Variants in ARHGEF10L observed in about 807,000 individuals in gnomAD.
ARHGEF10L encodes the protein Rho guanine nucleotide exchange factor 10 like, also known as rho guanine nucleotide exchange factor 10-like protein.
Under a neutral mutation model 141.2 loss-of-function variants are expected in ARHGEF10L, and 69 were observed. The observed-to-expected ratio is 0.49, with a 90% CI of 0.40 to 0.60. The LOEUF is 0.60. Among genes scored for constraint, ARHGEF10L ranks in the 20% least tolerant of loss-of-function variants. The pLI is 0.00. For synonymous variants in ARHGEF10L, 711 were observed against 718.5 expected (o/e 0.99, Z 0.17); for missense variants, 1,482 against 1,734.3 (o/e 0.85, Z 2.58).
At chr1:17,591,408 A>AT (rs35249582) in intron 4 of ARHGEF10L, among the ~76,000 whole-genome samples, 1,838 of 121,176 alleles carry the variant, frequency 0.015, 58 homozygotes, top group African/African-American at 0.053. Context: ...ATGCCTGGCT[A>AT]TTTTTTTTTT....
rs551381944 is a variant in ARHGEF10L, at chr1:17,683,393, A to C, written c.3010-4180A>C. ...GGGGTGCTCACTGCCCCCTGCTCTCACCGGGGTGCTCACTGCCTCCTGCTC... is the reference window on the plus strand; with the variant it reads ...GGGGTGCTCACTGCCCCCTGCTCTCCCCGGGGTGCTCACTGCCTCCTGCTC... On this transcript the variant is annotated intron_variant, in intron 26 of 28. Transcript: ENST00000361221. 4.4e-5 allele frequency among the ~76,000 whole-genome samples: 6 copies of C among 137,920 alleles called. No individual in the cohort carries two copies. The South Asian group carries it at 1.4e-3, about 33-fold the overall frequency. 90.5% of individuals were successfully genotyped at this position (137,920 alleles called of 152,430 possible). A position where few individuals can be genotyped will look rare whatever the true frequency, so the allele number is the denominator to read the frequency against.
intron 21 of ARHGEF10L, among the ~76,000 whole-genome samples, chr1:17,642,105 CAG>C (rs768648355): frequency 6.6e-6 from 1 of 151,908 alleles, no homozygotes; most frequent in Non-Finnish European, 1.5e-5. Flanking sequence ...ATGACAAAAA[CAG>C]AGAGATCTCT....
chr1:17,627,219 G>T lies in ARHGEF10L; in HGVS notation c.1411-111G>T. On this transcript the variant is annotated intron_variant, in intron 14 of 28. Transcript: ENST00000361221. This position sits in a 1 kb window ranked among gnomAD's most constrained non-coding sequence, Gnocchi z 4.0. ...GCCATCTGTCCTGGCCTCAGGCCGG[G>T]CCCTTTGCAGACCCAGTGTGTGTAG... 1 of 1,340,084 alleles carries T rather than the reference G, an allele frequency of 7.5e-7. No homozygotes were observed. The highest frequency in any genetic ancestry group is 1.0e-6 in the Non-Finnish European group (1 of 969,700). 83.0% of individuals were successfully genotyped at this position (1,340,084 alleles called of 1,614,324 possible).
chr1:17,655,448 C>A (rs1344222681), intron 23 of ARHGEF10L, among the ~76,000 whole-genome samples: 3 of 146,902 alleles, frequency 2.0e-5, no homozygotes, highest in Non-Finnish European at 4.6e-5. Flanking sequence ...TCCATCCATC[C>A]ATCCATCCAT....
At chr1:17,691,787 A>G (rs1443769831) in intron 27 of ARHGEF10L, among the ~76,000 whole-genome samples, 1 of 152,112 alleles carries the variant, frequency 6.6e-6, no homozygotes, top group African/African-American at 2.4e-5. Flanking sequence ...TCATTGATGG[A>G]TGAGAGAAAT....
At chr1:17,674,605 CT>C (rs1304629582) in intron 26 of ARHGEF10L, among the ~76,000 whole-genome samples, 2 of 152,186 alleles carry the variant, frequency 1.3e-5, no homozygotes, top group Non-Finnish European at 2.9e-5. Flanking sequence ...GGGAGGGCCC[CT>C]GAGAAGCGTG....
At chr1:17,680,080 CCCCTGCCCCTGCCCTG>C (rs963319113) in intron 26 of ARHGEF10L, among the ~76,000 whole-genome samples, 2 of 151,866 alleles carry the variant, frequency 1.3e-5, no homozygotes, top group African/African-American at 4.8e-5. Context: ...CCCCACCCTG[CCCCTGCCCCTGCCCTG>C]CCCTGCCCCT....
At chr1:17,613,629 G>A (rs1393172037) in intron 8 of ARHGEF10L, among the ~76,000 whole-genome samples, 1 of 152,240 alleles carries the variant, frequency 6.6e-6, no homozygotes, top group African/African-American at 2.4e-5. Context: ...GACATTGGAT[G>A]TTCCTATCTC....
In ARHGEF10L at chr1:17,637,846, A is replaced by T. The variant is rs1342733111; in HGVS notation, c.1928-42A>T. On this transcript the variant is annotated intron_variant, in intron 18 of 28. Coordinates refer to ENST00000361221, the MANE Select transcript of ARHGEF10L (RefSeq NM_018125.4). ...GTGAGCAGATGCTTGGCTTCTTGTT[A>T]GCGCCTTCACCTGTGCCTGAGTTGG... 9 of 1,521,232 alleles carry T rather than the reference A, an allele frequency of 5.9e-6. No homozygotes were observed. In the South Asian group the frequency reaches 1.1e-4, roughly 18 times the overall value. The allele number at this position is 1,521,232 out of a possible 1,614,324, so 94.2% of individuals were successfully genotyped here.
chr1:17,643,974 C>T lies in ARHGEF10L; in HGVS notation c.2272+3672C>T, dbSNP rs914969165. Among the ~76,000 whole-genome samples the T allele has an allele frequency of 4.6e-5, 7 of 152,146 alleles. No homozygotes were observed. In the East Asian group the frequency reaches 9.7e-4, roughly 21 times the overall value. ...GAGAAGGAAGAGGTGAGGTAGGGGGCTCCCTCATTTCCCTCCTGTACCCTC... is the reference window on the plus strand; with the variant it reads ...GAGAAGGAAGAGGTGAGGTAGGGGGTTCCCTCATTTCCCTCCTGTACCCTC... On this transcript the variant is annotated intron_variant, in intron 21 of 28. Transcript: ENST00000361221.
intron 8 of ARHGEF10L, among the ~76,000 whole-genome samples, chr1:17,613,606 C>T (rs1022855876): frequency 3.9e-5 from 6 of 152,300 alleles, no homozygotes; most frequent in South Asian, 2.1e-4. Flanking sequence ...CATTGAAAAA[C>T]GTGAGTGTTG....
rs1457868504 is a variant in ARHGEF10L at position 17,621,495 on chromosome 1, A to G, written c.943-369A>G. Among the ~76,000 whole-genome samples, 2 of 152,176 alleles carry G rather than the reference A, an allele frequency of 1.3e-5. No individual in the cohort carries two copies. Among genetic ancestry groups the G allele is most frequent in the Admixed American group, 6.5e-5 (1 of 15,282 alleles). The stretch of plus-strand genomic sequence containing the variant: ...TGATTTGCCCATCTCTGCCTCCCAA[A>G]GTGCTGGGATTACAAGCATGAGCCA... On this transcript the variant is annotated intron_variant, in intron 10 of 28. Transcript: ENST00000361221. This position sits in a 1 kb window ranked among gnomAD's most constrained non-coding sequence, Gnocchi z 4.1.
chr1:17,616,251 G>A, intron 9 of ARHGEF10L, 49 bp downstream of exon 9: 1 of 1,413,464 alleles, frequency 7.1e-7, no homozygotes, highest in Non-Finnish European at 9.9e-7. Flanking sequence ...TCTGACTGGG[G>A]GTCGGGGAGG....
Position 17,621,389 on chromosome 1 carries a change from C to A in ARHGEF10L, c.943-475C>A, listed in dbSNP as rs535967562. Among the ~76,000 whole-genome samples, 5 of 152,198 alleles carry A rather than the reference C, an allele frequency of 3.3e-5. No individual in the cohort carries two copies. The East Asian group carries it at 9.7e-4, about 29-fold the overall frequency. ...CTGGGACTATAGGCGCGTGCCACCA[C>A]GCCCAGCTGATTTTTGTATTTTTAC... On this transcript the variant is annotated intron_variant, in intron 10 of 28. Transcript: ENST00000361221. The surrounding 1 kb of genome is among the most constrained non-coding windows in gnomAD (Gnocchi z 4.1).
In ARHGEF10L at chr1:17,644,776, A is replaced by G. The variant is rs555784428; in HGVS notation, c.2273-3778A>G. Among the ~76,000 whole-genome samples the G allele has an allele frequency of 5.4e-4, 82 of 152,322 alleles. No individual in the cohort carries two copies. Among genetic ancestry groups the G allele is most frequent in the African/African-American group, 1.9e-3 (79 of 41,574 alleles). ...GCCCGCGGTGGGCTCAGCTGCCCTCAGTAATAGCGACAGTCAGACCATGAG... is the reference window on the plus strand; with the variant it reads ...GCCCGCGGTGGGCTCAGCTGCCCTCGGTAATAGCGACAGTCAGACCATGAG... On this transcript the variant is annotated intron_variant, in intron 21 of 28. Coordinates refer to ENST00000361221, the MANE Select transcript of ARHGEF10L (RefSeq NM_018125.4). This position sits in a 1 kb window ranked among gnomAD's most constrained non-coding sequence, Gnocchi z 4.5.
At chr1:17,611,644 T>G (rs1459612601) in intron 7 of ARHGEF10L, among the ~76,000 whole-genome samples, 1 of 152,132 alleles carries the variant, frequency 6.6e-6, no homozygotes, top group Non-Finnish European at 1.5e-5. Flanking sequence ...ATGGCTTCCA[T>G]TTTTTGAATA....
chr1:17,638,210 C>T (rs564476729), intron 19 of ARHGEF10L, among the ~76,000 whole-genome samples: 1 of 152,360 alleles, frequency 6.6e-6, no homozygotes, highest in African/African-American at 2.4e-5. Context: ...CGGGCGCATC[C>T]TCTGGTTTGG....
At chr1:17,692,634 G>T (rs745467370) in intron 27 of ARHGEF10L, among the ~76,000 whole-genome samples, 1 of 152,184 alleles carries the variant, frequency 6.6e-6, no homozygotes, top group Non-Finnish European at 1.5e-5. Context: ...CTGGGCAGCT[G>T]CGGGAGCCCC....
At chr1:17,562,321 G>A (rs2077575190) in intron 1 of ARHGEF10L, among the ~76,000 whole-genome samples, 1 of 152,236 alleles carries the variant, frequency 6.6e-6, no homozygotes, top group Non-Finnish European at 1.5e-5. Context: ...GGAGGCTGAA[G>A]TGGGAGGATC....
Sources: gnomAD v4.1 joint callset for allele counts (sites outside exome capture counted in the v4.1 genomes callset) on GRCh38, gnomAD v4.1.1 for gene constraint, Gnocchi (gnomAD v3.1) non-coding constraint, MANE v1.5 for transcripts, NCBI Gene and HGNC (gene_info 2026-07-23, HGNC 2026-07-21) for gene names.